CDH18: variants seen among roughly 807,000 people sequenced by gnomAD.
CDH18 encodes cadherin-18.
Under a neutral mutation model 67.9 loss-of-function variants are expected in CDH18, and 31 were observed. That is an observed-to-expected ratio of 0.46 (90% CI 0.34 to 0.62). CDH18 has a LOEUF of 0.62. CDH18 is among the 20% of genes least tolerant of loss of function. The probability of loss-of-function intolerance (pLI) is 0.01; values close to 1 mark genes in which losing one functional copy is unlikely to be tolerated. For synonymous variants in CDH18, 362 were observed against 347.2 expected (o/e 1.04, Z -0.48); for missense variants, 890 against 975.5 (o/e 0.91, Z 1.17).
intron 2 of CDH18, among the ~76,000 whole-genome samples, chr5:20,192,987 G>A (rs1474932595): frequency 6.6e-6 from 1 of 152,072 alleles, no homozygotes; most frequent in Non-Finnish European, 1.5e-5. Context: ...CATGAGGATG[G>A]AATGTTTTTC....
intron 9 of CDH18, among the ~76,000 whole-genome samples, chr5:19,521,686 G>C (rs889902726): frequency 7.5e-5 from 10 of 132,608 alleles, no homozygotes; most frequent in African/African-American, 2.7e-4. Flanking sequence ...TAAGAAAATA[G>C]ATGGGTTAAA....
intron 2 of CDH18, among the ~76,000 whole-genome samples, chr5:19,964,613 A>C (rs1275535950): frequency 6.7e-6 from 1 of 148,690 alleles, no homozygotes; most frequent in Non-Finnish European, 1.5e-5. Flanking sequence ...GTGCCACTGC[A>C]CTCCAGCCTG....
At chr5:19,638,076 CGTTT>C (rs1262480999) in intron 5 of CDH18, among the ~76,000 whole-genome samples, 1 of 152,098 alleles carries the variant, frequency 6.6e-6, no homozygotes, top group Non-Finnish European at 1.5e-5. Flanking sequence ...TGGTTTGTTT[CGTTT>C]GTTAACAAAA....
At chr5:19,851,567 A>G (rs1783694778) in intron 2 of CDH18, among the ~76,000 whole-genome samples, 1 of 151,728 alleles carries the variant, frequency 6.6e-6, no homozygotes. Flanking sequence ...GAAGAAAACT[A>G]AACTGATCAT....
intron 3 of CDH18, among the ~76,000 whole-genome samples, chr5:19,805,957 C>T (rs928880886): frequency 1.3e-5 from 2 of 152,138 alleles, no homozygotes; most frequent in African/African-American, 2.4e-5. Context: ...TTTTCTTCTT[C>T]GAATCTTCTA....
intron 2 of CDH18, among the ~76,000 whole-genome samples, chr5:19,960,215 T>A (rs1476561488): frequency 6.6e-6 from 1 of 152,146 alleles, no homozygotes. Context: ...TTTAAAACGT[T>A]TGAGTGTTTT....
At chr5:20,338,384 C>G (rs1033673113) in intron 1 of CDH18, among the ~76,000 whole-genome samples, 7 of 152,148 alleles carry the variant, frequency 4.6e-5, no homozygotes, top group African/African-American at 1.7e-4. Flanking sequence ...ATTATCAAGC[C>G]ACGTGATGGG....
In CDH18 at chr5:19,473,502, G is replaced by A. The variant is rs1275335149; in HGVS notation, c.2097C>T (p.Pro699=). 2 of 1,613,474 alleles carry A rather than the reference G, an allele frequency of 1.2e-6. No individual in the cohort carries two copies. Among genetic ancestry groups the A allele is most frequent in the Non-Finnish European group, 1.7e-6 (2 of 1,179,694 alleles). ...RDIRPEVKLT[P]RHQTSSTLES... ...CCAGGGTGGATGATGTCTGGTGTCT[G>A]GGAGTGAGCTTCACTTCAGGTCTGA... Residue 699 remains proline (P), a synonymous_variant, in exon 13 of 13, where the codon CCC becomes CCT. Coordinates refer to ENST00000382275, the MANE Select transcript of CDH18 (RefSeq NM_004934.5).
intron 1 of CDH18, among the ~76,000 whole-genome samples, chr5:20,555,054 C>T (rs62354286): frequency 0.028 from 4,277 of 152,206 alleles, 98 homozygotes; most frequent in African/African-American, 0.064. Context: ...GTTGCCGTAA[C>T]CCCCAGTGTT....
chr5:20,324,322 G>A (rs1203342532), intron 1 of CDH18, among the ~76,000 whole-genome samples: 3 of 152,126 alleles, frequency 2.0e-5, no homozygotes, highest in Non-Finnish European at 2.9e-5. Context: ...GGCGGATCAC[G>A]AGGTCAGGAG....
intron 8 of CDH18, among the ~76,000 whole-genome samples, chr5:19,558,785 C>T (rs1482358236): frequency 6.6e-6 from 1 of 151,850 alleles, no homozygotes; most frequent in Non-Finnish European, 1.5e-5. Flanking sequence ...AAAATCTTCC[C>T]TAAGTGATTC....
At chr5:19,592,914 C>A (rs1745401718) in intron 6 of CDH18, among the ~76,000 whole-genome samples, 1 of 152,064 alleles carries the variant, frequency 6.6e-6, no homozygotes, top group African/African-American at 2.4e-5. Context: ...TTGAAATATG[C>A]AGTACTATAT....
intron 9 of CDH18, among the ~76,000 whole-genome samples, chr5:19,532,238 T>C (rs1748737663): frequency 6.6e-6 from 1 of 152,190 alleles, no homozygotes; most frequent in Non-Finnish European, 1.5e-5. Context: ...AATGAACTTT[T>C]AGTAACAACA....
At chr5:20,493,937 AAACAAAAACAGC>A (rs1753743639) in intron 1 of CDH18, among the ~76,000 whole-genome samples, 1 of 150,554 alleles carries the variant, frequency 6.6e-6, no homozygotes, top group African/African-American at 2.5e-5. Context: ...ACAAAAACAA[AAACAAAAACAGC>A]AAAAAAAAAA....
intron 2 of CDH18, among the ~76,000 whole-genome samples, chr5:20,140,172 C>T (rs193142166): frequency 3.4e-4 from 52 of 152,242 alleles, no homozygotes; most frequent in African/African-American, 1.2e-3. Context: ...TTTGTAGGCA[C>T]ATGGATGAAG....
chr5:20,337,500 A>G (rs1739884031), intron 1 of CDH18, among the ~76,000 whole-genome samples: 1 of 152,156 alleles, frequency 6.6e-6, no homozygotes, highest in South Asian at 2.1e-4. Flanking sequence ...TCTCTAGGGC[A>G]GGGGCAAAAT....
chr5:19,570,463 T>C (rs1741202393), intron 8 of CDH18, among the ~76,000 whole-genome samples: 1 of 152,188 alleles, frequency 6.6e-6, no homozygotes, highest in African/African-American at 2.4e-5. Context: ...GGAATTATTT[T>C]TAACTGAAAC....
intron 1 of CDH18, among the ~76,000 whole-genome samples, chr5:20,461,013 C>A (rs1412523180): frequency 6.6e-6 from 1 of 152,150 alleles, no homozygotes; most frequent in Non-Finnish European, 1.5e-5. Context: ...TCAATTTTCT[C>A]TGGGTTAAAA....
At chr5:19,805,564 C>T (rs574055002) in intron 3 of CDH18, among the ~76,000 whole-genome samples, 1 of 152,268 alleles carries the variant, frequency 6.6e-6, no homozygotes, top group South Asian at 2.1e-4. Context: ...TAATACTTTG[C>T]ATTTTTCTAT....
Sources: gnomAD v4.1 joint callset for allele counts (sites outside exome capture counted in the v4.1 genomes callset) on GRCh38, gnomAD v4.1.1 for gene constraint, MANE v1.5 for transcripts, NCBI Gene and HGNC (gene_info 2026-07-23, HGNC 2026-07-21) for gene names.